Variants in PARD3B observed in about 807,000 individuals in gnomAD.
The protein encoded by PARD3B is partitioning defective 3 homolog B.
In PARD3B, 103 loss-of-function variants were observed where a neutral mutation model predicts 130.2. That is an observed-to-expected ratio of 0.79 (90% CI 0.67 to 0.93). The LOEUF is 0.93. Ranked by LOEUF, PARD3B falls within the 40% of genes least tolerant of loss-of-function variation. The pLI, the probability that PARD3B is intolerant of heterozygous loss-of-function variation, is 0.00. For synonymous variants in PARD3B, 583 were observed against 553.2 expected (o/e 1.05, Z -0.76); for missense variants, 1,609 against 1,499.2 (o/e 1.07, Z -1.21).
At position 205,550,990 on chromosome 2, in the gene PARD3B, C is replaced by T. The variant is rs1394937637; in HGVS notation, c.3181-2334C>T. ...ATATATATATATACACACACACACA[C>T]ACACACACACACATAATCTGTTCCT... On this transcript the variant is annotated intron_variant, in intron 21 of 22. Transcript: ENST00000406610. This position sits in a 1 kb window ranked among gnomAD's most constrained non-coding sequence, Gnocchi z 4.5. Among the ~76,000 whole-genome samples the T allele has an allele frequency of 2.7e-5, 3 of 112,796 alleles. No homozygotes were observed. Among genetic ancestry groups the T allele is most frequent in the Non-Finnish European group, 3.9e-5 (2 of 50,932 alleles). 74.0% of individuals were successfully genotyped at this position (112,796 alleles called of 152,430 possible). A position where few individuals can be genotyped will look rare whatever the true frequency, so the allele number is the denominator to read the frequency against.
intron 1 of PARD3B, among the ~76,000 whole-genome samples, chr2:204,585,327 C>T (rs1452515750): frequency 6.6e-6 from 1 of 151,946 alleles, no homozygotes; most frequent in Non-Finnish European, 1.5e-5. Context: ...CACTGTTTCT[C>T]TTTCTTTCTT....
intron 16 of PARD3B, among the ~76,000 whole-genome samples, chr2:205,257,849 G>A (rs527692093): frequency 6.6e-6 from 1 of 152,220 alleles, no homozygotes; most frequent in Non-Finnish European, 1.5e-5. Context: ...TCTTTACAAA[G>A]TTCAGGGAAT....
intron 3 of PARD3B, among the ~76,000 whole-genome samples, chr2:205,042,309 C>T (rs575436561): frequency 1.2e-4 from 19 of 152,262 alleles, no homozygotes; most frequent in South Asian, 2.1e-4. Context: ...ACTGACTTCA[C>T]TTTCTCCTAT....
intron 3 of PARD3B, among the ~76,000 whole-genome samples, chr2:205,037,772 G>T (rs1401245187): frequency 6.6e-6 from 1 of 151,868 alleles, no homozygotes; most frequent in Admixed American, 6.6e-5. Flanking sequence ...ATGGGAGGAA[G>T]AGTAGTATGG....
intron 2 of PARD3B, among the ~76,000 whole-genome samples, chr2:204,770,434 A>T (rs972077311): frequency 6.7e-6 from 1 of 149,112 alleles, no homozygotes; most frequent in Non-Finnish European, 1.5e-5. Flanking sequence ...TATGTGGTCA[A>T]TTTTGGAATA....
At chr2:204,597,631 G>C (rs1020823180) in intron 1 of PARD3B, among the ~76,000 whole-genome samples, 1 of 152,164 alleles carries the variant, frequency 6.6e-6, no homozygotes, top group Non-Finnish European at 1.5e-5. Flanking sequence ...TCTTAAGTGG[G>C]CCAGTCAATA....
chr2:204,568,994 A>G (rs1379610037), intron 1 of PARD3B, among the ~76,000 whole-genome samples: 1 of 151,770 alleles, frequency 6.6e-6, no homozygotes, highest in Non-Finnish European at 1.5e-5. Flanking sequence ...CAGGCATATT[A>G]TTTTGTTTTA....
intron 2 of PARD3B, among the ~76,000 whole-genome samples, chr2:204,806,403 A>G (rs894533950): frequency 6.6e-6 from 1 of 152,188 alleles, no homozygotes. Flanking sequence ...GATAGTCTTC[A>G]ATAAATAGTG....
intron 1 of PARD3B, among the ~76,000 whole-genome samples, chr2:204,652,531 A>T (rs1296994970): frequency 1.3e-5 from 2 of 152,178 alleles, no homozygotes; most frequent in East Asian, 1.9e-4. Flanking sequence ...CCATTCAACA[A>T]GTATCTAGGA....
At chr2:204,916,274 G>A (rs2047440020) in intron 2 of PARD3B, among the ~76,000 whole-genome samples, 1 of 152,118 alleles carries the variant, frequency 6.6e-6, no homozygotes, top group African/African-American at 2.4e-5. Flanking sequence ...TTATTTCACT[G>A]ACTGGGCCAC....
intron 2 of PARD3B, among the ~76,000 whole-genome samples, chr2:204,798,463 A>G (rs917669030): frequency 1.3e-5 from 2 of 152,178 alleles, no homozygotes; most frequent in Non-Finnish European, 2.9e-5. Flanking sequence ...AGTCTAGGCC[A>G]CAAGGACTGC....
rs141555468 is a variant in PARD3B, at chr2:204,672,860, T to G, written c.121-13321T>G. Among the ~76,000 whole-genome samples, 548 of 152,350 alleles carry G rather than the reference T, an allele frequency of 3.6e-3. 3 individuals carry two copies. The highest frequency in any genetic ancestry group is 0.013 in the African/African-American group (534 of 41,590). On this transcript the variant is annotated intron_variant, in intron 1 of 22. Coordinates refer to ENST00000406610, the MANE Select transcript of PARD3B (RefSeq NM_001302769.2). ...AGTAGTAATAATCACAGGCGCTGTTTATTGCACATCTATTGTAAGAAGAGT... is the reference window on the plus strand; with the variant it reads ...AGTAGTAATAATCACAGGCGCTGTTGATTGCACATCTATTGTAAGAAGAGT...
intron 19 of PARD3B, among the ~76,000 whole-genome samples, chr2:205,420,099 A>C (rs1240865741): frequency 2.0e-5 from 3 of 152,220 alleles, no homozygotes; most frequent in South Asian, 2.1e-4. Flanking sequence ...CAGGTTATAC[A>C]GCATTGATTA....
chr2:204,923,015 T>C (rs2047742553), intron 2 of PARD3B, among the ~76,000 whole-genome samples: 1 of 152,146 alleles, frequency 6.6e-6, no homozygotes, highest in Non-Finnish European at 1.5e-5. Context: ...AGTTGAAACC[T>C]GAGAAGTGGC....
intron 21 of PARD3B, among the ~76,000 whole-genome samples, chr2:205,536,943 C>G (rs747455744): frequency 6.6e-6 from 1 of 152,186 alleles, no homozygotes; most frequent in East Asian, 1.9e-4. Context: ...TGTACATTTT[C>G]TAACATATAA....
Position 205,172,513 on chromosome 2 carries a change from G to A in PARD3B, c.1791+132G>A, listed in dbSNP as rs1054663604. ...CCAGAAGGGCTTTGATGGGAAACAG[G>A]TGGTTGTGTATTTTAGGTATAATAG... On this transcript the variant is annotated intron_variant, in intron 12 of 22. Coordinates refer to ENST00000406610, the MANE Select transcript of PARD3B (RefSeq NM_001302769.2). The A allele has an allele frequency of 1.4e-5, 13 of 905,914 alleles. No homozygotes were observed. The African/African-American group carries it at 1.9e-4, about 13-fold the overall frequency. The allele number at this position is 905,914 out of a possible 1,614,324, so 56.1% of individuals were successfully genotyped here.
At chr2:205,508,258 T>C (rs979705202) in intron 21 of PARD3B, among the ~76,000 whole-genome samples, 2 of 152,032 alleles carry the variant, frequency 1.3e-5, no homozygotes, top group African/African-American at 4.8e-5. Flanking sequence ...TGAGATGGGG[T>C]AAAGAATTAG....
rs1574851873 is a variant in PARD3B at position 204,736,630 on chromosome 2, G to A, written c.222+50348G>A. On this transcript the variant is annotated intron_variant, in intron 2 of 22. Coordinates refer to ENST00000406610, the MANE Select transcript of PARD3B (RefSeq NM_001302769.2). ...TTATCTTGTTCTTTTTAATAGCTGA[G>A]TAGTATTCCATAGTGTATATGTACC... Among the ~76,000 whole-genome samples, 2 of 152,270 alleles carry A rather than the reference G, an allele frequency of 1.3e-5. 1 individual carries two copies. The highest frequency in any genetic ancestry group is 4.8e-5 in the African/African-American group (2 of 41,566).
intron 1 of PARD3B, among the ~76,000 whole-genome samples, chr2:204,570,417 A>G (rs2031925589): frequency 6.6e-6 from 1 of 152,214 alleles, no homozygotes; most frequent in Admixed American, 6.5e-5. Context: ...TTAGCAAGGC[A>G]AAGAACAGCT....
Sources: gnomAD v4.1 joint callset for allele counts (sites outside exome capture counted in the v4.1 genomes callset) on GRCh38, gnomAD v4.1.1 for gene constraint, Gnocchi (gnomAD v3.1) non-coding constraint, MANE v1.5 for transcripts, NCBI Gene and HGNC (gene_info 2026-07-23, HGNC 2026-07-21) for gene names.